POLR2E: variants seen among roughly 807,000 people sequenced by gnomAD.
The protein encoded by POLR2E is RNA polymerase II, I and III subunit E, also known as DNA-directed RNA polymerases I, II, and III subunit RPABC1.
Under a neutral mutation model 29.8 loss-of-function variants are expected in POLR2E, and 35 were observed. The observed-to-expected ratio is 1.17, with a 90% CI of 0.90 to 1.55. The LOEUF is 1.55. Among genes scored for constraint, POLR2E ranks in the 40% most tolerant of loss-of-function variants. POLR2E has a pLI of 0.00. For missense variants in POLR2E, 287 were observed against 288.6 expected, an observed-to-expected ratio of 0.99 and a Z score of 0.04; for synonymous variants, 174 against 112.6, an observed-to-expected ratio of 1.55 and a Z score of -3.45.
chr19:1,092,758 G>A (rs1444375455), intron 2 of POLR2E, among the ~76,000 whole-genome samples: 1 of 151,630 alleles, frequency 6.6e-6, no homozygotes, highest in Non-Finnish European at 1.5e-5. Flanking sequence ...GTGTATGCCT[G>A]TAAACCTAGC....
rs2043798430 is a variant in POLR2E at position 1,090,153 on chromosome 19, G to T, written c.430-8C>A. 1 of 1,612,124 alleles carries T rather than the reference G, an allele frequency of 6.2e-7. No individual in the cohort carries two copies. Among genetic ancestry groups the T allele is most frequent in the Non-Finnish European group, 8.5e-7 (1 of 1,179,740 alleles). On this transcript the variant is annotated splice_region_variant and splice_polypyrimidine_tract_variant and intron_variant, in intron 4 of 7. Transcript: ENST00000615234. ...GACGTGCTCAGGGACTAGCTGCCGA[G>T]AGAGGAAGCCACCAGGCATCACCAA...
intron 3 of POLR2E, chr19:1,091,583 T>G: frequency 1.7e-6 from 1 of 574,474 alleles, no homozygotes; most frequent in South Asian, 2.0e-5. Flanking sequence ...TCCTGAGAGC[T>G]GGGGGAGGAC....
At chr19:1,092,081 G>A (rs929627366) in intron 2 of POLR2E, among the ~76,000 whole-genome samples, 174 bp from the exon 3 acceptor site, 1 of 152,184 alleles carries the variant, frequency 6.6e-6, no homozygotes, top group African/African-American at 2.4e-5. Flanking sequence ...CAGGACAGGG[G>A]AAGAGAGGGC....
chr19:1,089,440 C>A, intron 7 of POLR2E, 32 bp downstream of exon 7: 1 of 1,469,530 alleles, frequency 6.8e-7, no homozygotes, highest in Non-Finnish European at 9.5e-7. Context: ...GCCTCTGACC[C>A]CACCTCAGTG....
At chr19:1,095,025 C>T (rs1169067204) in intron 1 of POLR2E, 3 of 500,016 alleles carry the variant, frequency 6.0e-6, no homozygotes, top group Non-Finnish European at 7.0e-6. Context: ...CCAAGCCGCC[C>T]ACCCACCCCT....
At chr19:1,094,292 G>C in intron 1 of POLR2E, 1 of 519,056 alleles carries the variant, frequency 1.9e-6, no homozygotes, top group South Asian at 2.7e-5. Flanking sequence ...TCCCAGAGAT[G>C]TCCAGCCTTG....
chr19:1,092,663 G>A (rs2043862315), intron 2 of POLR2E, among the ~76,000 whole-genome samples: 1 of 151,868 alleles, frequency 6.6e-6, no homozygotes, highest in Non-Finnish European at 1.5e-5. Context: ...ACTCCAGCCT[G>A]GGCAACAGAG....
intron 1 of POLR2E, chr19:1,094,745 G>C (rs988151311): frequency 1.2e-5 from 2 of 165,144 alleles, no homozygotes; most frequent in African/African-American, 4.8e-5. Flanking sequence ...CCTGTGCCCG[G>C]CTTCCAAACC....
At chr19:1,090,887 G>A (rs768737080) in intron 4 of POLR2E, 21 bp downstream of exon 4, 3 of 1,606,254 alleles carry the variant, frequency 1.9e-6, no homozygotes, top group South Asian at 2.2e-5. Context: ...ACGCAGGCGG[G>A]ATTCCGCGGC....
chr19:1,095,177 G>A (rs2043914295), intron 1 of POLR2E, 82 bp downstream of exon 1: 1 of 1,408,044 alleles, frequency 7.1e-7, no homozygotes, highest in Admixed American at 1.8e-5. Flanking sequence ...ACGAGAGTAC[G>A]AGGAGACGCC....
chr19:1,091,264 A>G (rs969167481), intron 3 of POLR2E, among the ~76,000 whole-genome samples: 1 of 152,196 alleles, frequency 6.6e-6, no homozygotes, highest in African/African-American at 2.4e-5. Flanking sequence ...CAGAGCTGGC[A>G]GGGCGACCTC....
intron 1 of POLR2E, 145 bp downstream of exon 1, chr19:1,095,114 C>T: frequency 5.0e-6 from 4 of 801,112 alleles, no homozygotes; most frequent in Non-Finnish European, 7.8e-6. Context: ...CTGGTATCCC[C>T]GGCGACCTCT....
intron 4 of POLR2E, 66 bp from the exon 5 acceptor site, chr19:1,090,211 C>T: frequency 1.5e-6 from 2 of 1,351,096 alleles, no homozygotes; most frequent in Non-Finnish European, 2.1e-6. Flanking sequence ...CTCCCAGGTG[C>T]CACCACAGCC....
intron 6 of POLR2E, 146 bp from the exon 7 acceptor site, chr19:1,089,697 C>A: frequency 1.2e-6 from 1 of 808,326 alleles, no homozygotes. Flanking sequence ...TCCCTGGGAA[C>A]CTGGGTCACG....
chr19:1,094,825 G>A (rs1445943221), intron 1 of POLR2E: 1 of 188,470 alleles, frequency 5.3e-6, no homozygotes, highest in South Asian at 1.2e-4. Flanking sequence ...CGTCCCCATC[G>A]AAAGCCCCAG....
In POLR2E at chr19:1,090,885, G is replaced by A. The variant is rs375271630; in HGVS notation, c.429+23C>T. On this transcript the variant is annotated intron_variant, in intron 4 of 7. Coordinates refer to ENST00000615234, the MANE Select transcript of POLR2E (RefSeq NM_002695.5). ...GCATCTCTGCCGGCCCCACGCAGGCGGGATTCCGCGGCGCGCGCCCACCTC... is the reference window on the plus strand; with the variant it reads ...GCATCTCTGCCGGCCCCACGCAGGCAGGATTCCGCGGCGCGCGCCCACCTC... 104 of 1,603,878 alleles carry A rather than the reference G, an allele frequency of 6.5e-5. 1 individual carries two copies. In the South Asian group the frequency reaches 7.4e-4, roughly 11 times the overall value.
intron 1 of POLR2E, chr19:1,094,333 G>A (rs1448780302): frequency 2.1e-6 from 1 of 465,802 alleles, no homozygotes; most frequent in Non-Finnish European, 3.8e-6. Flanking sequence ...CAGCCTCACA[G>A]AAACCTGGCA....
At chr19:1,093,723 T>G in intron 2 of POLR2E, 181 bp downstream of exon 2, 1 of 1,384,734 alleles carries the variant, frequency 7.2e-7, no homozygotes, top group Non-Finnish European at 9.3e-7. Flanking sequence ...AAGCTGAGCA[T>G]GAGAGGGGTC....
rs752273969 is a variant in POLR2E, at chr19:1,087,838, G to GGCTAGGTTAAA, written c.*886_*896dup. On this transcript the variant is annotated 3_prime_UTR_variant, in exon 8 of 8. Coordinates refer to ENST00000615234, the MANE Select transcript of POLR2E (RefSeq NM_002695.5). ...TAAAGCTACTGTGAGAGAACCACGT[G>GGCTAGGTTAAA]GCTAGGTTAAACTTGGGCAGGCGAG... The GGCTAGGTTAAA allele has an allele frequency of 3.1e-4, 48 of 152,452 alleles. No homozygotes were observed. Among genetic ancestry groups the GGCTAGGTTAAA allele is most frequent in the Non-Finnish European group, 5.7e-4 (39 of 68,048 alleles). 9.4% of individuals were successfully genotyped at this position (152,452 alleles called of 1,614,324 possible). A position where few individuals can be genotyped will look rare whatever the true frequency, so the allele number is the denominator to read the frequency against.
Sources: gnomAD v4.1 joint callset for allele counts (sites outside exome capture counted in the v4.1 genomes callset) on GRCh38, gnomAD v4.1.1 for gene constraint, MANE v1.5 for transcripts, NCBI Gene and HGNC (gene_info 2026-07-23, HGNC 2026-07-21) for gene names.